Variants in ZP2 observed in about 807,000 individuals in gnomAD.
The protein encoded by ZP2 is zona pellucida sperm-binding protein 2.
Under a neutral mutation model 84.0 loss-of-function variants are expected in ZP2, and 51 were observed. The observed-to-expected ratio is 0.61, with a 90% CI of 0.49 to 0.77. The LOEUF (loss-of-function observed/expected upper bound fraction) is 0.77, where lower values mean the gene tolerates loss of function less well. Among genes scored for constraint, ZP2 ranks in the 30% least tolerant of loss-of-function variants. The pLI is 0.00. For missense variants in ZP2, 909 were observed against 911.9 expected, an observed-to-expected ratio of 1.00 and a Z score of 0.04; for synonymous variants, 375 against 330.9, an observed-to-expected ratio of 1.13 and a Z score of -1.45.
At chr16:21,211,276 TAAG>T (rs756476704) in intron 2 of ZP2, 28 bp downstream of exon 2, 2 of 1,604,600 alleles carry the variant, frequency 1.2e-6, no homozygotes, top group Non-Finnish European at 1.7e-6. Context: ...TTTTCTCTGC[TAAG>T]AAGACTTCTG....
At chr16:21,206,593 A>G (rs1470373453) in intron 5 of ZP2, among the ~76,000 whole-genome samples, 3 of 152,140 alleles carry the variant, frequency 2.0e-5, no homozygotes, top group African/African-American at 7.2e-5. Flanking sequence ...GCCATGCATG[A>G]TGTGCCAAGT....
Position 21,197,810 on chromosome 16 carries a change from C to T in ZP2, c.2051G>A (p.Gly684Glu). Residue 684 changes from glycine (G) to glutamate (E), a missense_variant, in exon 18 of 19, where the codon GGG becomes GAG. By Grantham distance (98) the Gly-to-Glu change is moderately conservative. Coordinates refer to ENST00000574091, the MANE Select transcript of ZP2 (RefSeq NM_001376232.1). ...SSDLKASGSS[G>E]EKSRSETGEE... is the part of the protein sequence containing the mutation. ...CCCTGTTTCACTCCTACTCTTCTCC[C>T]CACTGCTCCCACTTGCTTTTAGATC... 6.2e-7 allele frequency: 1 copy of T among 1,614,154 alleles called. No individual in the cohort carries two copies. The highest frequency in any genetic ancestry group is 8.5e-7 in the Non-Finnish European group (1 of 1,180,020).
chr16:21,209,955 G>C (rs1201598527), intron 3 of ZP2, 154 bp downstream of exon 3: 1 of 735,112 alleles, frequency 1.4e-6, no homozygotes, highest in Non-Finnish European at 2.3e-6. Flanking sequence ...TTCCATGCTG[G>C]GTGGCTTCAT....
rs549562087 is a variant in ZP2 at position 21,209,556 on chromosome 16, C to T, written c.330+75G>A. The T allele has an allele frequency of 2.1e-5, 29 of 1,406,346 alleles. No individual in the cohort carries two copies. The South Asian group carries it at 2.9e-4, about 14-fold the overall frequency. 87.1% of individuals were successfully genotyped at this position (1,406,346 alleles called of 1,614,324 possible). ...ACTGCTTTACTCCAAAGAGAAAGTT[C>T]TTAGCCAAGTTTACTGCCAGTAACT... is the stretch of plus-strand genomic sequence containing the variant. On this transcript the variant is annotated intron_variant, in intron 4 of 18. Transcript: ENST00000574091.
intron 10 of ZP2, among the ~76,000 whole-genome samples, chr16:21,202,598 A>T (rs1335623766): frequency 1.3e-5 from 2 of 152,160 alleles, no homozygotes; most frequent in African/African-American, 4.8e-5. Context: ...TCAAGGTTAA[A>T]CTTAATGTGG....
intron 4 of ZP2, 58 bp downstream of exon 4, chr16:21,209,573 C>A: frequency 6.6e-7 from 1 of 1,506,686 alleles, no homozygotes; most frequent in South Asian, 1.1e-5. Flanking sequence ...AAGTTTACTG[C>A]CAGTAACTCT....
chr16:21,205,866 A>G, intron 5 of ZP2, 91 bp from the exon 6 acceptor site: 2 of 1,314,202 alleles, frequency 1.5e-6, no homozygotes, highest in Non-Finnish European at 2.2e-6. Flanking sequence ...TGTCATACCA[A>G]AAGGCCTGCT....
Position 21,201,733 on chromosome 16 carries a change from A to T in ZP2, c.1477T>A (p.Phe493Ile), listed in dbSNP as rs147988348. 4.5e-4 allele frequency: 732 copies of T among 1,614,092 alleles called. 5 individuals are homozygous for T. The South Asian group carries it at 6.9e-3, about 15-fold the overall frequency. ...PPVASVKLGPFTLILQSYPDN... is the reference protein window; with the variant it reads ...PPVASVKLGPITLILQSYPDN... ...GGGTAGCTTTGCAGGATCAAGGTAA[A>T]TGGACCCAACTTCACTGAGGCCACT... The change falls in exon 13 of 19, where the codon TTT (phenylalanine) becomes ATT (isoleucine). Residue 493 changes from phenylalanine to isoleucine, a missense_variant. Coordinates refer to ENST00000574091, the MANE Select transcript of ZP2 (RefSeq NM_001376232.1).
chr16:21,204,941 G>A (rs1353045569), intron 7 of ZP2, among the ~76,000 whole-genome samples: 1 of 152,172 alleles, frequency 6.6e-6, no homozygotes, highest in South Asian at 2.1e-4. Flanking sequence ...GTTCTGTGTT[G>A]TACTATAGAT....
chr16:21,213,056 T>A (rs1427698164), upstream of ZP2, among the ~76,000 whole-genome samples: 1 of 152,204 alleles, frequency 6.6e-6, no homozygotes, highest in African/African-American at 2.4e-5. Context: ...TATGTATGTA[T>A]GTATTTGAGA....
At chr16:21,206,066 C>T (rs891602340) in intron 5 of ZP2, 10 of 412,416 alleles carry the variant, frequency 2.4e-5, no homozygotes, top group South Asian at 1.3e-4. Flanking sequence ...GGTGCAATCT[C>T]GGCTCCCTGC....
In ZP2 at chr16:21,197,853, G is replaced by A. The variant is rs756309027; in HGVS notation, c.2012-4C>T. On this transcript the variant is annotated splice_polypyrimidine_tract_variant and splice_region_variant and intron_variant, in intron 17 of 18. Transcript: ENST00000574091. ...TTTAGATCAGATGAGCCGACACCTGGGAAGAACCTGAGAGTTTAGTACAAC... is the reference window on the plus strand; with the variant it reads ...TTTAGATCAGATGAGCCGACACCTGAGAAGAACCTGAGAGTTTAGTACAAC... 13 of 1,614,002 alleles carry A rather than the reference G, an allele frequency of 8.1e-6. No homozygotes were observed. The South Asian group carries it at 1.4e-4, about 18-fold the overall frequency.
chr16:21,212,529 T>C (rs1346237832), upstream of ZP2, among the ~76,000 whole-genome samples: 2 of 152,256 alleles, frequency 1.3e-5, no homozygotes, highest in Non-Finnish European at 2.9e-5. Flanking sequence ...ACTGTCACTT[T>C]ATAACTATTA....
chr16:21,202,400 C>T lies in ZP2; in HGVS notation c.1100-109G>A, dbSNP rs78740627. On this transcript the variant is annotated intron_variant, in intron 10 of 18. Coordinates refer to ENST00000574091, the MANE Select transcript of ZP2 (RefSeq NM_001376232.1). ...GAAATTCTAATTTAGCAGGAGGCAT[C>T]AGAATCTGTCTTGAAGTCTTTATGA... is the stretch of plus-strand genomic sequence containing the variant. 284 of 1,031,374 alleles carry T rather than the reference C, an allele frequency of 2.8e-4. No homozygotes were observed. The African/African-American group carries it at 4.3e-3, about 16-fold the overall frequency. 63.9% of individuals were successfully genotyped at this position (1,031,374 alleles called of 1,614,324 possible).
chr16:21,197,712 A>G, intron 18 of ZP2, 54 bp downstream of exon 18: 7 of 1,613,336 alleles, frequency 4.3e-6, no homozygotes, highest in Non-Finnish European at 5.9e-6. Flanking sequence ...AAGGGGGTAA[A>G]ACTAAGCCTT....
At chr16:21,198,387 CTT>C (rs1177469629) in intron 17 of ZP2, among the ~76,000 whole-genome samples, 15 of 151,934 alleles carry the variant, frequency 9.9e-5, no homozygotes, top group Admixed American at 6.6e-4. Context: ...AAGAACAAAA[CTT>C]TATCTCAAAA....
chr16:21,197,488 T>G lies in ZP2; in HGVS notation c.2230A>C (p.Asn744His). Residue 744 changes from asparagine to histidine, a missense_variant, in exon 19 of 19, where the codon AAT (asparagine) becomes CAT (histidine). Coordinates refer to ENST00000574091, the MANE Select transcript of ZP2 (RefSeq NM_001376232.1). The stretch of plus-strand genomic sequence containing the variant: ...TTTATTTAGAAGCCCATTTAGTGAT[T>G]TGACACAGTCCTTTTCTCGTACAGG... The part of the protein sequence containing the change: ...YYLYEKRTVS[N>H]H 6.2e-7 allele frequency: 1 copy of G among 1,614,138 alleles called. No homozygotes were observed. The highest frequency in any genetic ancestry group is 8.5e-7 in the Non-Finnish European group (1 of 1,180,008).
At chr16:21,210,419 G>A (rs1356960896) in intron 2 of ZP2, among the ~76,000 whole-genome samples, 4 of 152,090 alleles carry the variant, frequency 2.6e-5, no homozygotes, top group African/African-American at 9.7e-5. Context: ...CCAGTAAGAA[G>A]CCCAGGTTAG....
At chr16:21,198,706 G>T in intron 17 of ZP2, 73 bp downstream of exon 17, 3 of 1,264,810 alleles carry the variant, frequency 2.4e-6, no homozygotes, top group Non-Finnish European at 3.4e-6. Flanking sequence ...CATAGTATAT[G>T]TAAGCACTGA....
Sources: gnomAD v4.1 joint callset for allele counts (sites outside exome capture counted in the v4.1 genomes callset) on GRCh38, gnomAD v4.1.1 for gene constraint, MANE v1.5 for transcripts, NCBI Gene and HGNC (gene_info 2026-07-23, HGNC 2026-07-21) for gene names.